RPSA2: variants seen among roughly 807,000 people sequenced by gnomAD.
The protein encoded by RPSA2 is small ribosomal subunit protein uS2B.
chr19:23,811,900 T>G, the RPSA2 span, among the ~76,000 whole-genome samples: 6 of 152,328 alleles, frequency 3.9e-5, no homozygotes, highest in African/African-American at 1.4e-4. Flanking sequence ...AGTAGTTTCT[T>G]TTAAAAGCTT....
chr19:23,861,160 C>T, the RPSA2 span, among the ~76,000 whole-genome samples: 1 of 152,168 alleles, frequency 6.6e-6, no homozygotes, highest in Non-Finnish European at 1.5e-5. Flanking sequence ...TTCGGATCAC[C>T]CCAGTGCAAA....
At chr19:23,821,985 T>C in the RPSA2 span, among the ~76,000 whole-genome samples, 1 of 152,172 alleles carries the variant, frequency 6.6e-6, no homozygotes, top group Non-Finnish European at 1.5e-5. Flanking sequence ...TGCAAAACCC[T>C]CTAGCTTTTG....
At chr19:23,838,382 G>A in the RPSA2 span, among the ~76,000 whole-genome samples, 1 of 152,062 alleles carries the variant, frequency 6.6e-6, no homozygotes, top group African/African-American at 2.4e-5. Flanking sequence ...TCAAGGATAT[G>A]GGTCTGTAGT....
At chr19:23,758,741 T>A in the RPSA2 span, 1 of 1,614,202 alleles carries the variant, frequency 6.2e-7, no homozygotes, top group South Asian at 1.1e-5. Context: ...GACCCGACAT[T>A]CTCACCATTT....
the RPSA2 span, among the ~76,000 whole-genome samples, chr19:23,858,469 A>G: frequency 6.6e-6 from 1 of 152,224 alleles, no homozygotes; most frequent in Admixed American, 6.5e-5. Context: ...TATGTTATAA[A>G]TGTTTCCCAT....
At chr19:23,811,006 CTT>C in the RPSA2 span, among the ~76,000 whole-genome samples, 8 of 130,408 alleles carry the variant, frequency 6.1e-5, no homozygotes, top group East Asian at 4.4e-4. Context: ...CTTAAAGGCA[CTT>C]TTTTTTTTTT....
chr19:23,808,703 AT>A, the RPSA2 span: 32 of 657,864 alleles, frequency 4.9e-5, no homozygotes, highest in Admixed American at 6.7e-4. Flanking sequence ...CATGTTAGTT[AT>A]TTTTAATAAA....
the RPSA2 span, among the ~76,000 whole-genome samples, chr19:23,810,659 A>C: frequency 1.6e-3 from 243 of 152,246 alleles, no homozygotes; most frequent in African/African-American, 5.7e-3. Flanking sequence ...ACTGTGGCTC[A>C]GGGAGCTGGA....
chr19:23,833,785 TAC>T, the RPSA2 span, among the ~76,000 whole-genome samples: 9 of 152,100 alleles, frequency 5.9e-5, no homozygotes, highest in Admixed American at 2.6e-4. Flanking sequence ...GAAGAGTATT[TAC>T]TTTAAAAAAG....
chr19:23,771,925 T>C, the RPSA2 span, among the ~76,000 whole-genome samples: 1 of 152,162 alleles, frequency 6.6e-6, no homozygotes, highest in Non-Finnish European at 1.5e-5. Context: ...GTAATTCTGT[T>C]TTTCTGCCTG....
chr19:23,830,801 A>G, the RPSA2 span, among the ~76,000 whole-genome samples: 2 of 151,796 alleles, frequency 1.3e-5, no homozygotes, highest in African/African-American at 2.4e-5. Flanking sequence ...AAAATTTATA[A>G]TATTTTTGCT....
chr19:23,850,741 G>T, the RPSA2 span, among the ~76,000 whole-genome samples: 1 of 152,028 alleles, frequency 6.6e-6, no homozygotes, highest in Non-Finnish European at 1.5e-5. Context: ...TTCATTTAGG[G>T]AGAATTTTTT....
At chr19:23,839,868 C>T in the RPSA2 span, among the ~76,000 whole-genome samples, 1 of 152,204 alleles carries the variant, frequency 6.6e-6, no homozygotes, top group Non-Finnish European at 1.5e-5. Flanking sequence ...GCTTCTCCCA[C>T]AAACAGACTT....
At chr19:23,806,043 C>CT in the RPSA2 span, among the ~76,000 whole-genome samples, 1 of 58,198 alleles carries the variant, frequency 1.7e-5, no homozygotes, top group Non-Finnish European at 3.9e-5. Flanking sequence ...ATCCTTCTTT[C>CT]TTTCTTTTTT....
chr19:23,845,683 C>T, the RPSA2 span, among the ~76,000 whole-genome samples: 17 of 152,158 alleles, frequency 1.1e-4, no homozygotes, highest in African/African-American at 3.1e-4. Context: ...TGTAGCAATG[C>T]GGTTTTTGCA....
the RPSA2 span, among the ~76,000 whole-genome samples, chr19:23,760,027 T>G: frequency 1.3e-5 from 2 of 152,108 alleles, no homozygotes; most frequent in African/African-American, 4.8e-5. Flanking sequence ...TGTGCTAGCT[T>G]CTCAGTCACA....
the RPSA2 span, among the ~76,000 whole-genome samples, chr19:23,781,461 T>C: frequency 0.98 from 148,818 of 152,148 alleles, 72,875 homozygotes; most frequent in Middle Eastern, 1. Flanking sequence ...GCCTCAGCCT[T>C]CCGAGTAGCT....
At chr19:23,810,595 G>C in the RPSA2 span, among the ~76,000 whole-genome samples, 3 of 152,106 alleles carry the variant, frequency 2.0e-5, no homozygotes, top group Admixed American at 6.5e-5. Flanking sequence ...CTGAGTACAA[G>C]AGAGAATTTT....
chr19:23,840,458 A>G, the RPSA2 span, among the ~76,000 whole-genome samples: 6 of 152,184 alleles, frequency 3.9e-5, no homozygotes, highest in Non-Finnish European at 7.3e-5. Flanking sequence ...GGGTCCTCAG[A>G]TATCAGTGAG....
Sources: gnomAD v4.1 joint callset for allele counts (sites outside exome capture counted in the v4.1 genomes callset) on GRCh38, gnomAD v4.1.1 for gene constraint, MANE v1.5 for transcripts, NCBI Gene and HGNC (gene_info 2026-07-23, HGNC 2026-07-21) for gene names.